Variants in ASIC2 observed in about 807,000 individuals in gnomAD.
ASIC2 encodes acid sensing ion channel subunit 2.
ASIC2 carries 25 observed loss-of-function variants against 57.3 expected under a neutral mutation model. The observed-to-expected ratio is 0.44, with a 90% CI of 0.32 to 0.61. ASIC2 has a LOEUF of 0.61. Ranked by LOEUF, ASIC2 falls within the 20% of genes least tolerant of loss-of-function variation. The probability of loss-of-function intolerance (pLI) is 0.06; values close to 1 mark genes in which losing one functional copy is unlikely to be tolerated. For missense variants in ASIC2, 641 were observed against 738.1 expected (o/e 0.87, Z 1.52); for synonymous variants, 319 against 307.5 (o/e 1.04, Z -0.39).
intron 1 of ASIC2, among the ~76,000 whole-genome samples, chr17:33,120,374 T>A (rs542154537): frequency 6.6e-6 from 1 of 152,312 alleles, no homozygotes; most frequent in Non-Finnish European, 1.5e-5. Context: ...AAAAAGAGCA[T>A]CAAGCGCCTG....
chr17:34,065,682 A>T (rs772953769), intron 1 of ASIC2, among the ~76,000 whole-genome samples: 22 of 152,306 alleles, frequency 1.4e-4, no homozygotes, highest in African/African-American at 4.6e-4. Flanking sequence ...GAAAGGAAGG[A>T]AGGTTTTGCC....
chr17:33,948,540 G>A (rs957821152), intron 1 of ASIC2, among the ~76,000 whole-genome samples: 108 of 152,182 alleles, frequency 7.1e-4, no homozygotes, highest in African/African-American at 2.6e-3. Context: ...CACCTCAAAC[G>A]CCACCTGGCC....
rs1402754915 is a variant in ASIC2 at position 34,099,154 on chromosome 17, GAGAGAGAGAGAAAGAAAGAAAGAAAGAA to G, written c.555+56796_555+56823del. Among the ~76,000 whole-genome samples the G allele has an allele frequency of 1.7e-3, 44 of 26,230 alleles. 2 individuals carry two copies. The highest frequency in any genetic ancestry group is 3.9e-3 in the African/African-American group (39 of 10,020). The allele number at this position is 26,230 out of a possible 152,430, so 17.2% of individuals were successfully genotyped here. On this transcript the variant is annotated intron_variant, in intron 1 of 9. Transcript: ENST00000359872. ...AGAGAGAGAGAGAGAGACAGAGAGA[GAGAGAGAGAGAAAGAAAGAAAGAAAGAA>G]AGAAAGAAAGAAAGAAAGAAAGAAA...
At chr17:33,105,935 A>C (rs1817967400) in intron 2 of ASIC2, among the ~76,000 whole-genome samples, 1 of 152,238 alleles carries the variant, frequency 6.6e-6, no homozygotes, top group Admixed American at 6.5e-5. Context: ...ATCTGGTGGA[A>C]GAAATTTCTA....
chr17:33,581,941 T>C (rs982446992), intron 1 of ASIC2, among the ~76,000 whole-genome samples: 23 of 152,186 alleles, frequency 1.5e-4, no homozygotes, highest in African/African-American at 5.1e-4. Context: ...TGCTATCCTT[T>C]TGATTCAGCT....
intron 1 of ASIC2, among the ~76,000 whole-genome samples, chr17:33,971,432 C>T (rs949137540): frequency 2.0e-5 from 3 of 152,174 alleles, no homozygotes; most frequent in African/African-American, 7.2e-5. Flanking sequence ...CATATGCACA[C>T]ACACAAATGC....
At chr17:33,529,184 C>T (rs1914974513) in intron 1 of ASIC2, among the ~76,000 whole-genome samples, 1 of 152,136 alleles carries the variant, frequency 6.6e-6, no homozygotes, top group Admixed American at 6.5e-5. Context: ...TTAAAAAGGA[C>T]AGTTAAAAGT....
intron 1 of ASIC2, among the ~76,000 whole-genome samples, chr17:33,886,393 C>G (rs541418034): frequency 1.9e-3 from 283 of 152,214 alleles, no homozygotes; most frequent in Non-Finnish European, 3.5e-3. Context: ...TCAGAAAGAG[C>G]AACAGTGAAT....
At chr17:33,995,653 C>A (rs533281566) in intron 1 of ASIC2, among the ~76,000 whole-genome samples, 6 of 151,854 alleles carry the variant, frequency 4.0e-5, no homozygotes, top group African/African-American at 1.5e-4. Flanking sequence ...ACAATCTGTG[C>A]GTGTATATAT....
upstream of ASIC2, among the ~76,000 whole-genome samples, chr17:33,293,997 C>T (rs957205502): frequency 1.3e-5 from 2 of 152,050 alleles, no homozygotes; most frequent in African/African-American, 2.4e-5. Context: ...CTCAGTGCGA[C>T]AATCCTCCCC....
At chr17:33,955,753 C>G (rs1300311836) in intron 1 of ASIC2, among the ~76,000 whole-genome samples, 11 of 152,092 alleles carry the variant, frequency 7.2e-5, no homozygotes, top group Non-Finnish European at 1.5e-4. Context: ...CCAACAGGGC[C>G]CCTCCTCCAA....
intron 1 of ASIC2, among the ~76,000 whole-genome samples, chr17:33,958,443 G>A (rs1044513032): frequency 1.3e-5 from 2 of 150,896 alleles, no homozygotes; most frequent in African/African-American, 4.9e-5. Context: ...CATACATCTA[G>A]GAGGAGGTTC....
intron 1 of ASIC2, among the ~76,000 whole-genome samples, chr17:33,169,687 T>C (rs1219521162): frequency 6.6e-6 from 1 of 152,196 alleles, no homozygotes; most frequent in Admixed American, 6.5e-5. Context: ...TTTGAGCTCA[T>C]GGAGGTGACT....
intron 1 of ASIC2, among the ~76,000 whole-genome samples, chr17:34,098,450 A>G (rs1432571045): frequency 6.6e-6 from 1 of 152,206 alleles, no homozygotes; most frequent in African/African-American, 2.4e-5. Flanking sequence ...TTTGCCCAGA[A>G]CAGGGATGGA....
chr17:33,034,971 T>G (rs1005384333), intron 3 of ASIC2, among the ~76,000 whole-genome samples: 1 of 152,232 alleles, frequency 6.6e-6, no homozygotes, highest in African/African-American at 2.4e-5. Context: ...GTTGGAGTAC[T>G]TGACACTGTT....
rs73276957 is a variant in ASIC2, at chr17:33,611,051, C to A, written c.556-498984G>T. On this transcript the variant is annotated intron_variant, in intron 1 of 9. Transcript: ENST00000359872. ...GGTGTGGTGGCTGAGCAGGAACTCACAATCTGCTAAATTCCCCAGACTTCA... is the reference window on the plus strand; with the variant it reads ...GGTGTGGTGGCTGAGCAGGAACTCAAAATCTGCTAAATTCCCCAGACTTCA... Among the ~76,000 whole-genome samples, 490 of 152,322 alleles carry A rather than the reference C, an allele frequency of 3.2e-3. 3 individuals are homozygous for A. The highest frequency in any genetic ancestry group is 0.011 in the African/African-American group (468 of 41,572).
Position 33,092,041 on chromosome 17 carries a change from G to A in ASIC2, c.860-3051C>T, listed in dbSNP as rs533484249. ...AGCAGACTACAGCCCTCCCAGAGCT[G>A]AGGGGGTGACGAGAACTCCGCCATC... On this transcript the variant is annotated intron_variant, in intron 2 of 9. Transcript: ENST00000225823. 9.2e-5 allele frequency among the ~76,000 whole-genome samples: 14 copies of A among 152,342 alleles called. No homozygotes were observed. The South Asian group carries it at 2.9e-3, about 32-fold the overall frequency.
intron 1 of ASIC2, among the ~76,000 whole-genome samples, chr17:34,109,479 G>T (rs1473930514): frequency 6.6e-6 from 1 of 152,136 alleles, no homozygotes; most frequent in Non-Finnish European, 1.5e-5. Flanking sequence ...CTTAGAATAT[G>T]AGAATCATCT....
chr17:33,678,435 C>CCACACACACACACACACACACACA lies in ASIC2; in HGVS notation c.555+477519_555+477542dup, dbSNP rs71144896. On this transcript the variant is annotated intron_variant, in intron 1 of 9. Transcript: ENST00000359872. Reference sequence around the variant, plus strand: ...TCTGAACTATGGTGCCTGGTTCAATCCACACACACACACACACACACACAC... The same window carrying CCACACACACACACACACACACACA: ...TCTGAACTATGGTGCCTGGTTCAATCCACACACACACACACACACACACACACACACACACACACACACACACAC... 4.8e-3 allele frequency among the ~76,000 whole-genome samples: 671 copies of CCACACACACACACACACACACACA among 139,582 alleles called. 25 individuals carry two copies. The highest frequency in any genetic ancestry group is 0.015 in the African/African-American group (583 of 38,072). The allele number at this position is 139,582 out of a possible 152,430, so 91.6% of individuals were successfully genotyped here.
Sources: gnomAD v4.1 joint callset for allele counts (sites outside exome capture counted in the v4.1 genomes callset) on GRCh38, gnomAD v4.1.1 for gene constraint, MANE v1.5 for transcripts, NCBI Gene and HGNC (gene_info 2026-07-23, HGNC 2026-07-21) for gene names.